The following AAMDC variants were observed in gnomAD, a reference collection of about 807,000 sequenced individuals.
The protein encoded by AAMDC is adipogenesis associated Mth938 domain containing.
A neutral mutation model predicts 15.5 loss-of-function variants in AAMDC; 16 were observed. That is an observed-to-expected ratio of 1.03 (90% CI 0.70 to 1.57). AAMDC has a LOEUF of 1.57. AAMDC is among the 40% of genes most tolerant of loss of function. AAMDC has a pLI of 0.00. For synonymous variants in AAMDC, 51 were observed against 51.6 expected, an observed-to-expected ratio of 0.99 and a Z score of 0.05; for missense variants, 141 against 144.9, an observed-to-expected ratio of 0.97 and a Z score of 0.14.
intron 5 of AAMDC, chr11:77,878,627 G>A: frequency 1.7e-6 from 1 of 599,188 alleles, no homozygotes; most frequent in Non-Finnish European, 3.0e-6. Context: ...GGATCTTTGT[G>A]TTTCACACCT....
intron 2 of AAMDC, among the ~76,000 whole-genome samples, chr11:77,843,377 G>C (rs1015730573): frequency 6.6e-6 from 1 of 152,158 alleles, no homozygotes; most frequent in Non-Finnish European, 1.5e-5. Flanking sequence ...ACTCACCTGG[G>C]ATGTAGCCTC....
chr11:77,842,363 G>A lies in AAMDC; in HGVS notation c.-18-116G>A, dbSNP rs151261447. ...CCTCTAAAGAAGAAGTAACAACCAC[G>A]TAAATGAAAAGATGCTTCTTAAATC... is the stretch of plus-strand genomic sequence containing the variant. On this transcript the variant is annotated intron_variant, in intron 1 of 3. Transcript: ENST00000393427. The A allele has an allele frequency of 1.2e-3, 1,199 of 995,510 alleles. 12 individuals carry two copies. In the African/African-American group the frequency reaches 0.017, roughly 14 times the overall value. The allele number at this position is 995,510 out of a possible 1,614,324, so 61.7% of individuals were successfully genotyped here.
chr11:77,856,482 C>T (rs24356), intron 2 of AAMDC, among the ~76,000 whole-genome samples: 35,096 of 152,006 alleles, frequency 0.23, 4,151 homozygotes, highest in African/African-American at 0.25. Flanking sequence ...TACCCCCTTC[C>T]TGGTACCAAT....
intron 2 of AAMDC, 157 bp from the exon 3 acceptor site, chr11:77,869,565 C>T (rs146732986): frequency 8.1e-6 from 5 of 616,792 alleles, no homozygotes; most frequent in African/African-American, 5.5e-5. Flanking sequence ...GATCCTGCCT[C>T]GTCAGCCTTC....
chr11:77,837,568 T>G (rs1046176883), intron 1 of AAMDC, among the ~76,000 whole-genome samples: 1 of 151,932 alleles, frequency 6.6e-6, no homozygotes, highest in Non-Finnish European at 1.5e-5. Flanking sequence ...CCCGGGTAGA[T>G]AGGACTACAG....
intron 2 of AAMDC, among the ~76,000 whole-genome samples, chr11:77,854,139 C>T (rs1376664411): frequency 1.1e-4 from 17 of 151,714 alleles, no homozygotes; most frequent in African/African-American, 3.4e-4. Context: ...TACAGGCGCC[C>T]GCCACCACAC....
chr11:77,880,681 C>A (rs1415918503), intron 5 of AAMDC, among the ~76,000 whole-genome samples: 2 of 152,164 alleles, frequency 1.3e-5, no homozygotes, highest in African/African-American at 4.8e-5. Context: ...CTGGTAAGAG[C>A]TGGATAAGGC....
rs577210400 is a variant in AAMDC, at chr11:77,837,427, C to T, written c.-18-5052C>T. On this transcript the variant is annotated intron_variant, in intron 1 of 3. Transcript: ENST00000393427. ...CTGGCATCACAGATGTAAGCCACTG[C>T]GCCCGTCCCTTTGGTTTTTGTTTGT... is the stretch of plus-strand genomic sequence containing the variant. Among the ~76,000 whole-genome samples the T allele has an allele frequency of 2.3e-3, 337 of 147,694 alleles. 2 individuals are homozygous for T. The highest frequency in any genetic ancestry group is 8.2e-3 in the African/African-American group (329 of 39,968).
chr11:77,878,573 G>GAA (rs1951672420), intron 5 of AAMDC: 5 of 520,678 alleles, frequency 9.6e-6, no homozygotes, highest in Non-Finnish European at 1.7e-5. Context: ...GTCACTTTAA[G>GAA]AAATAAGACT....
At chr11:77,903,272 T>C (rs373362221), downstream of AAMDC, among the ~76,000 whole-genome samples, 7 of 152,242 alleles carry the variant, frequency 4.6e-5, no homozygotes, top group African/African-American at 9.6e-5. Context: ...AGCAGAGGTA[T>C]AGAGCTACAG....
intron 5 of AAMDC, among the ~76,000 whole-genome samples, chr11:77,893,535 C>T (rs890791175): frequency 1.3e-5 from 2 of 152,084 alleles, no homozygotes; most frequent in East Asian, 1.9e-4. Context: ...CTTTAGCCCA[C>T]GAGTTCAAGG....
downstream of AAMDC, among the ~76,000 whole-genome samples, chr11:77,902,740 G>T (rs941206649): frequency 3.3e-5 from 5 of 152,178 alleles, no homozygotes; most frequent in African/African-American, 1.2e-4. Context: ...CTATCTGGAA[G>T]ACTTGACCTG....
At chr11:77,877,563 C>T (rs1951633260) in intron 5 of AAMDC, among the ~76,000 whole-genome samples, 1 of 152,132 alleles carries the variant, frequency 6.6e-6, no homozygotes, top group African/African-American at 2.4e-5. Flanking sequence ...ATATACTTCC[C>T]CTGAGGTGGT....
chr11:77,828,311 T>C (rs1386447834), intron 1 of AAMDC, among the ~76,000 whole-genome samples: 1 of 151,552 alleles, frequency 6.6e-6, no homozygotes, highest in African/African-American at 2.4e-5. Flanking sequence ...AAAAATGATA[T>C]CAATAACTCC....
chr11:77,849,933 T>C (rs747844445), intron 2 of AAMDC, among the ~76,000 whole-genome samples: 13 of 152,236 alleles, frequency 8.5e-5, no homozygotes, highest in Non-Finnish European at 1.6e-4. Flanking sequence ...TGTGCCTCTA[T>C]TATAGCACTT....
chr11:77,903,401 T>C (rs1466675281), downstream of AAMDC: 15 of 1,604,150 alleles, frequency 9.4e-6, no homozygotes, highest in East Asian at 2.9e-4. Context: ...CTGCTTCAAA[T>C]ACAAAGGGGC....
At chr11:77,852,132 C>T (rs1006180350) in intron 2 of AAMDC, among the ~76,000 whole-genome samples, 7 of 142,948 alleles carry the variant, frequency 4.9e-5, no homozygotes, top group Admixed American at 2.2e-4. Context: ...TTTGGGAGGA[C>T]GAGGGACGAG....
chr11:77,850,396 C>G (rs1950321531), intron 2 of AAMDC, among the ~76,000 whole-genome samples: 1 of 152,118 alleles, frequency 6.6e-6, no homozygotes, highest in Non-Finnish European at 1.5e-5. Context: ...CTCTAAAGCC[C>G]ATACTTTCCT....
At chr11:77,887,735 A>G (rs1952078310) in intron 5 of AAMDC, among the ~76,000 whole-genome samples, 2 of 152,200 alleles carry the variant, frequency 1.3e-5, no homozygotes, top group Admixed American at 1.3e-4. Context: ...CTCAGGATAC[A>G]AAATCAATGT....
Sources: allele counts gnomAD v4.1 joint callset (sites outside exome capture counted in the v4.1 genomes callset), GRCh38; gene constraint gnomAD v4.1.1; transcripts MANE v1.5; gene names NCBI Gene and HGNC (gene_info 2026-07-23, HGNC 2026-07-21).